Variants in NAV2 observed in about 807,000 individuals in gnomAD.
The protein encoded by NAV2 is helicase, APC down-regulated 1.
A neutral mutation model predicts 223.2 loss-of-function variants in NAV2; 54 were observed. That is an observed-to-expected ratio of 0.24 (90% CI 0.19 to 0.30). The LOEUF is 0.30. Among genes scored for constraint, NAV2 ranks in the 10% least tolerant of loss-of-function variants. The pLI, the probability that NAV2 is intolerant of heterozygous loss-of-function variation, is 1.00. For missense variants in NAV2, 2,806 were observed against 3,147.5 expected, an observed-to-expected ratio of 0.89 and a Z score of 2.60; for synonymous variants, 1,279 against 1,239.3, an observed-to-expected ratio of 1.03 and a Z score of -0.67.
At chr11:19,548,893 A>C (rs895790186) in intron 1 of NAV2, among the ~76,000 whole-genome samples, 14 of 151,776 alleles carry the variant, frequency 9.2e-5, no homozygotes, top group Non-Finnish European at 1.3e-4. Flanking sequence ...AAAAAAAAAA[A>C]AAACACCCTC....
chr11:19,975,068 T>C (rs888728709), intron 10 of NAV2, among the ~76,000 whole-genome samples: 1 of 152,242 alleles, frequency 6.6e-6, no homozygotes, highest in Non-Finnish European at 1.5e-5. Context: ...TAAAGGGGCT[T>C]TGTCTAGAGA....
chr11:19,949,193 G>A, intron 10 of NAV2, 113 bp downstream of exon 10: 1 of 1,174,292 alleles, frequency 8.5e-7, no homozygotes, highest in African/African-American at 1.5e-5. Context: ...GCCCACCTGA[G>A]TTTCTGCTGT....
intron 1 of NAV2, among the ~76,000 whole-genome samples, chr11:19,432,981 T>C (rs1448222907): frequency 6.6e-6 from 1 of 152,172 alleles, no homozygotes; most frequent in African/African-American, 2.4e-5. Context: ...CCTTTCCATA[T>C]TGCTCAAACT....
intron 1 of NAV2, among the ~76,000 whole-genome samples, chr11:19,551,349 A>C (rs1403388515): frequency 6.6e-6 from 1 of 152,248 alleles, no homozygotes; most frequent in African/African-American, 2.4e-5. Flanking sequence ...CCCCCCAGTC[A>C]TCTCTGTGAG....
chr11:19,644,712 T>C (rs986517382), intron 1 of NAV2, among the ~76,000 whole-genome samples: 1 of 152,102 alleles, frequency 6.6e-6, no homozygotes, highest in African/African-American at 2.4e-5. Context: ...TCAGAACTGG[T>C]TGGGGTGTGG....
chr11:20,048,698 C>T, intron 14 of NAV2, 30 bp from the exon 15 acceptor site: 1 of 1,594,892 alleles, frequency 6.3e-7, no homozygotes, highest in Non-Finnish European at 8.6e-7. Flanking sequence ...ACTGGGTGTT[C>T]AACCTACACA....
intron 1 of NAV2, among the ~76,000 whole-genome samples, chr11:19,497,683 T>A (rs2042840854): frequency 6.6e-6 from 1 of 152,158 alleles, no homozygotes; most frequent in Non-Finnish European, 1.5e-5. Context: ...TAAATTTTGC[T>A]AACCTACAGG....
At chr11:19,639,409 C>T (rs2047596889) in intron 1 of NAV2, among the ~76,000 whole-genome samples, 2 of 152,214 alleles carry the variant, frequency 1.3e-5, no homozygotes, top group Admixed American at 1.3e-4. Context: ...ACCACCATCA[C>T]CATAACTATT....
intron 1 of NAV2, among the ~76,000 whole-genome samples, chr11:19,762,673 G>A (rs577305962): frequency 2.0e-5 from 3 of 148,996 alleles, no homozygotes; most frequent in South Asian, 4.3e-4. Flanking sequence ...GAGGACAGTG[G>A]CATGATCTTG....
chr11:19,584,481 T>A (rs2045827217), intron 1 of NAV2, among the ~76,000 whole-genome samples: 3 of 152,234 alleles, frequency 2.0e-5, no homozygotes, highest in Non-Finnish European at 1.5e-5. Flanking sequence ...AGGTTGTCAA[T>A]TTTAGATCTT....
chr11:19,865,194 T>C (rs886775653), intron 3 of NAV2, among the ~76,000 whole-genome samples: 1 of 152,194 alleles, frequency 6.6e-6, no homozygotes, highest in African/African-American at 2.4e-5. Flanking sequence ...CAGATCCTCA[T>C]CTCATGCTGT....
At position 19,787,270 on chromosome 11, in the gene NAV2, C is replaced by CTTTTTTT. The variant is rs757183666; in HGVS notation, c.268-45192_268-45186dup. On this transcript the variant is annotated intron_variant, in intron 1 of 37. Transcript: ENST00000349880. ...CATGCCTGGCTAATTTTTATTGGAT[C>CTTTTTTT]TTTTTTTTTTTTTTTTTTTTTTTTT... Among the ~76,000 whole-genome samples, 141 of 54,998 alleles carry CTTTTTTT rather than the reference C, an allele frequency of 2.6e-3. 37 individuals are homozygous for CTTTTTTT. Among genetic ancestry groups the CTTTTTTT allele is most frequent in the African/African-American group, 7.1e-3 (115 of 16,148 alleles). 36.1% of individuals were successfully genotyped at this position (54,998 alleles called of 152,430 possible). A position where few individuals can be genotyped will look rare whatever the true frequency, so the allele number is the denominator to read the frequency against.
intron 1 of NAV2, among the ~76,000 whole-genome samples, chr11:19,477,947 C>T (rs937875414): frequency 2.0e-5 from 3 of 152,190 alleles, no homozygotes; most frequent in African/African-American, 7.2e-5. Context: ...AATGCTTTGC[C>T]AAATGCAATG....
intron 11 of NAV2, among the ~76,000 whole-genome samples, chr11:20,019,458 G>A (rs1427153375): frequency 1.3e-5 from 2 of 152,138 alleles, no homozygotes; most frequent in Non-Finnish European, 2.9e-5. Flanking sequence ...GATTTCAGAT[G>A]TGTTGGGTAC....
intron 1 of NAV2, among the ~76,000 whole-genome samples, chr11:19,533,139 C>G (rs2134444228): frequency 6.6e-6 from 1 of 152,238 alleles, no homozygotes; most frequent in Non-Finnish European, 1.5e-5. Flanking sequence ...TAGGACTAAT[C>G]AAGGAGCTGA....
At chr11:19,587,270 G>T (rs557249929) in intron 1 of NAV2, among the ~76,000 whole-genome samples, 1 of 152,184 alleles carries the variant, frequency 6.6e-6, no homozygotes, top group East Asian at 1.9e-4. Context: ...TCCAGGTGCT[G>T]CCTGTCACCC....
rs147435221 is a variant in NAV2 at position 19,357,935 on chromosome 11, G to T, written c.75+6908G>T. Among the ~76,000 whole-genome samples the T allele has an allele frequency of 8.0e-4, 122 of 152,174 alleles. 1 individual carries two copies. The highest frequency in any genetic ancestry group is 2.9e-3 in the African/African-American group (121 of 41,514). Reference sequence around the variant, plus strand: ...TGAAATTTTTTATTGAATTTCATTTGATCCACTCTGTGGCATCCCCTATAA... The same window carrying T: ...TGAAATTTTTTATTGAATTTCATTTTATCCACTCTGTGGCATCCCCTATAA... On this transcript the variant is annotated intron_variant, in intron 1 of 37. Transcript: ENST00000360655.
chr11:19,491,955 AAGAGAGAG>A (rs150403869), intron 1 of NAV2, among the ~76,000 whole-genome samples: 27 of 120,826 alleles, frequency 2.2e-4, no homozygotes, highest in South Asian at 5.6e-4. Flanking sequence ...GGGAGACTCA[AAGAGAGAG>A]AGAGAGAGAG....
intron 1 of NAV2, among the ~76,000 whole-genome samples, chr11:19,462,518 C>A (rs1391297953): frequency 6.6e-6 from 1 of 152,198 alleles, no homozygotes; most frequent in Non-Finnish European, 1.5e-5. Context: ...GATAAGCTAT[C>A]TTCAATGAGT....
Sources: allele counts gnomAD v4.1 joint callset (sites outside exome capture counted in the v4.1 genomes callset), GRCh38; gene constraint gnomAD v4.1.1; transcripts MANE v1.5; gene names NCBI Gene and HGNC (gene_info 2026-07-23, HGNC 2026-07-21).